The following KIF7 variants were observed in gnomAD, a reference collection of about 807,000 sequenced individuals.
KIF7 encodes kinesin-like protein KIF7.
Under a neutral mutation model 135.7 loss-of-function variants are expected in KIF7, and 104 were observed. That is an observed-to-expected ratio of 0.77 (90% CI 0.65 to 0.90). The LOEUF (loss-of-function observed/expected upper bound fraction) is 0.90. KIF7 is among the 40% of genes least tolerant of loss of function. The pLI is 0.00. For missense variants in KIF7, 2,005 were observed against 1,839.1 expected, an observed-to-expected ratio of 1.09 and a Z score of -1.65; for synonymous variants, 883 against 809.4, an observed-to-expected ratio of 1.09 and a Z score of -1.54.
rs762429906 is a variant in KIF7, at chr15:89,649,124, C to A, written c.773G>T (p.Arg258Met). Reference sequence around the variant, plus strand: ...GCCGGTGCTGCCCGTCTTGAGCACCCTCTCTGAGCCCGCCAGGTCCACGAA... The same window carrying A: ...GCCGGTGCTGCCCGTCTTGAGCACCATCTCTGAGCCCGCCAGGTCCACGAA... ...FHFVDLAGSE[R>M]VLKTGSTGER... Residue 258 changes from arginine to methionine, a missense_variant, in exon 4 of 19, where the codon AGG becomes ATG. Arg to Met is a moderately conservative substitution (Grantham distance 91). Transcript: ENST00000394412. 6.5e-7 allele frequency: 1 copy of A among 1,547,784 alleles called. No homozygotes were observed. Among genetic ancestry groups the A allele is most frequent in the African/African-American group, 1.4e-5 (1 of 73,028 alleles).
In KIF7 at chr15:89,652,718, G is replaced by A. The variant is rs1269537276; in HGVS notation, c.213C>T (p.Tyr71=). ...CAAGGAGGGGCTGAACGCAGGCCTG[G>A]TACACGGCCTCCTGCCCCGCATCCT... ...LAEDAGQEAV[Y]QACVQPLLEA... Residue 71 remains tyrosine, a synonymous_variant, in exon 2 of 19, where the codon TAC becomes TAT. Transcript: ENST00000394412. 7.1e-6 allele frequency: 11 copies of A among 1,551,676 alleles called. No individual in the cohort carries two copies. The East Asian group carries it at 1.5e-4, about 21-fold the overall frequency.
At chr15:89,645,581 T>C in intron 8 of KIF7, 130 bp from the exon 9 acceptor site, 1 of 813,190 alleles carries the variant, frequency 1.2e-6, no homozygotes, top group Non-Finnish European at 2.0e-6. Flanking sequence ...ACCCAGGATG[T>C]GAGTCTGGCA....
upstream of KIF7, among the ~76,000 whole-genome samples, chr15:89,657,891 G>A (rs1596034570): frequency 6.6e-6 from 1 of 152,262 alleles, no homozygotes; most frequent in Admixed American, 6.5e-5. Context: ...CAGAAGGGCA[G>A]TATGGGTGGA....
At chr15:89,624,670 C>T (rs1963483566), downstream of KIF7, 2 of 1,613,972 alleles carry the variant, frequency 1.2e-6, no homozygotes, top group East Asian at 4.5e-5. Flanking sequence ...TGCATCCTCT[C>T]CTCTGCTCAT....
At chr15:89,660,748 C>T in the KIF7 span, among the ~76,000 whole-genome samples, 3 of 152,196 alleles carry the variant, frequency 2.0e-5, no homozygotes, top group African/African-American at 7.2e-5. Flanking sequence ...AAGTCTACTT[C>T]CCTGTCCCAT....
At chr15:89,649,713 G>C (rs529534838) in intron 3 of KIF7, 28 bp downstream of exon 3, 4 of 1,548,852 alleles carry the variant, frequency 2.6e-6, no homozygotes, top group Non-Finnish European at 3.5e-6. Flanking sequence ...GCCCCTCTCC[G>C]TCAGTGGAGG....
intron 17 of KIF7, 49 bp downstream of exon 17, chr15:89,629,326 G>C (rs757961615): frequency 3.2e-6 from 4 of 1,259,926 alleles, no homozygotes; most frequent in Non-Finnish European, 4.2e-6. Flanking sequence ...GATGGGGGTG[G>C]GGGGGATGGA....
At chr15:89,650,037 A>ATGGTGC (rs1964100098) in intron 2 of KIF7, 96 bp from the exon 3 acceptor site, 2 of 1,273,704 alleles carry the variant, frequency 1.6e-6, no homozygotes, top group East Asian at 5.1e-5. Flanking sequence ...GAGCTGGAGG[A>ATGGTGC]TGGTGCTCTA....
Position 89,631,631 on chromosome 15 carries a change from A to G in KIF7, c.2975T>C (p.Leu992Pro). 1 of 1,562,362 alleles carries G rather than the reference A, an allele frequency of 6.4e-7. No homozygotes were observed. Among genetic ancestry groups the G allele is most frequent in the South Asian group, 1.2e-5 (1 of 85,200 alleles). Residue 992 changes from leucine (L) to proline (P), a missense_variant, in exon 15 of 19, where the codon CTG becomes CCG. Physicochemically the swap from Leu to Pro is moderately conservative, Grantham distance 98. Coordinates refer to ENST00000394412, the MANE Select transcript of KIF7 (RefSeq NM_198525.3). ...EKELSEKSGQ[L>P]RQGSAQSQQQ... The stretch of plus-strand genomic sequence containing the variant: ...CTGGCTCTGGGCGCTGCCCTGCCGC[A>G]GCTGCCCGCTCTTCTCGGACAGCTC...
At chr15:89,625,774 G>C (rs758214359), downstream of KIF7, 4 of 1,602,402 alleles carry the variant, frequency 2.5e-6, no homozygotes, top group Non-Finnish European at 3.4e-6. Context: ...AGACGAAGAG[G>C]TGTTTGTTTC....
Position 89,633,777 on chromosome 15 carries a change from T to C in KIF7, c.2501A>G (p.Gln834Arg), listed in dbSNP as rs138354681. The change falls in exon 12 of 19, where the codon CAG (glutamine) becomes CGG (arginine). Residue 834 changes from glutamine (Q) to arginine (R), a missense_variant. Gln to Arg is a conservative substitution (Grantham distance 43, BLOSUM62 1). Coordinates refer to ENST00000394412, the MANE Select transcript of KIF7 (RefSeq NM_198525.3). ...LERNVQLMRQ[Q>R]QGQLQRRLRE... ...AAGCCGCCTCTGCAGCTGTCCCTGC[T>C]GCTGCCGCATGAGCTGCACGTTCCG... 4.5e-3 allele frequency: 7,258 copies of C among 1,611,624 alleles called. 24 individuals are homozygous for C. The highest frequency in any genetic ancestry group is 5.3e-3 in the Non-Finnish European group (6,260 of 1,180,002).
At chr15:89,662,433 G>A in the KIF7 span, among the ~76,000 whole-genome samples, 1 of 152,208 alleles carries the variant, frequency 6.6e-6, no homozygotes, top group Non-Finnish European at 1.5e-5. Context: ...GGGGCATGGA[G>A]GTTGCAGTGA....
At chr15:89,625,709 G>C (rs562686861), downstream of KIF7, 5 of 1,613,034 alleles carry the variant, frequency 3.1e-6, no homozygotes, top group African/African-American at 5.3e-5. Context: ...TCAGAAGTTA[G>C]TAAGAGTAAA....
chr15:89,644,947 A>C, intron 10 of KIF7, 66 bp downstream of exon 10: 1 of 1,589,910 alleles, frequency 6.3e-7, no homozygotes, highest in Non-Finnish European at 8.5e-7. Context: ...TCCCTCTAGA[A>C]CAGTGCAGAA....
chr15:89,634,752 G>A (rs1963767386), intron 11 of KIF7, among the ~76,000 whole-genome samples: 1 of 152,222 alleles, frequency 6.6e-6, no homozygotes, highest in Admixed American at 6.5e-5. Flanking sequence ...GCTGGGGGAG[G>A]GGTGCCCACC....
rs1158191132 is a variant in KIF7 at position 89,628,190 on chromosome 15, G to GTACCACAGC, written c.*220_*228dup. The GTACCACAGC allele has an allele frequency of 4.0e-6, 2 of 503,082 alleles. No homozygotes were observed. Among genetic ancestry groups the GTACCACAGC allele is most frequent in the Non-Finnish European group, 6.9e-6 (2 of 290,430 alleles). The allele number at this position is 503,082 out of a possible 1,614,324, so 31.2% of individuals were successfully genotyped here. ...GAGCAAGACACAAGGCGGCAATTGG[G>GTACCACAGC]TACCACAGCTTCATGGAAGTAAGTG... is the stretch of plus-strand genomic sequence containing the variant. On this transcript the variant is annotated 3_prime_UTR_variant, in exon 19 of 19. Coordinates refer to ENST00000394412, the MANE Select transcript of KIF7 (RefSeq NM_198525.3).
At position 89,651,057 on chromosome 15, in the gene KIF7, G is replaced by A. The variant is rs545416345; in HGVS notation, c.329-1116C>T. On this transcript the variant is annotated intron_variant, in intron 2 of 18. Transcript: ENST00000394412. The stretch of plus-strand genomic sequence containing the variant: ...AGCAATCCTCCTGCCTCAGCCTCCT[G>A]AGTAGCTGGGATTATAGACCCCCAC... Among the ~76,000 whole-genome samples, 6 of 152,032 alleles carry A rather than the reference G, an allele frequency of 3.9e-5. No individual in the cohort carries two copies. The South Asian group carries it at 1.0e-3, about 26-fold the overall frequency.
chr15:89,656,174 G>T (rs1964204583), upstream of KIF7, among the ~76,000 whole-genome samples: 1 of 152,098 alleles, frequency 6.6e-6, no homozygotes, highest in African/African-American at 2.4e-5. Context: ...CATAGAAATT[G>T]CCAGGCTCGT....
upstream of KIF7, among the ~76,000 whole-genome samples, chr15:89,657,203 G>A (rs546600224): frequency 5.3e-5 from 8 of 151,720 alleles, no homozygotes; most frequent in South Asian, 6.3e-4. Context: ...CTACTTGGGA[G>A]GTTGAAGTAG....
Sources: allele counts gnomAD v4.1 joint callset (sites outside exome capture counted in the v4.1 genomes callset), GRCh38; gene constraint gnomAD v4.1.1; transcripts MANE v1.5; gene names NCBI Gene and HGNC (gene_info 2026-07-23, HGNC 2026-07-21).